VWA8: variants seen among roughly 807,000 people sequenced by gnomAD.
VWA8 encodes the protein von Willebrand factor A domain-containing protein 8.
In VWA8, 221 loss-of-function variants were observed where a neutral mutation model predicts 241.5. The observed-to-expected ratio is 0.91, with a 90% CI of 0.82 to 1.02. The LOEUF is 1.02. VWA8 is among the 50% of genes least tolerant of loss of function. VWA8 has a pLI of 0.00. For missense variants in VWA8, 2,322 were observed against 2,328.7 expected (o/e 1.00, Z 0.06); for synonymous variants, 852 against 827.1 (o/e 1.03, Z -0.52).
chr13:41,934,437 C>A (rs749914144), intron 2 of VWA8, among the ~76,000 whole-genome samples: 1 of 151,900 alleles, frequency 6.6e-6, no homozygotes, highest in African/African-American at 2.4e-5. Flanking sequence ...ACATCTACCG[C>A]ATGATGCAGG....
intron 21 of VWA8, among the ~76,000 whole-genome samples, chr13:41,738,245 T>C (rs960284190): frequency 4.6e-5 from 7 of 152,284 alleles, no homozygotes; most frequent in African/African-American, 1.7e-4. Flanking sequence ...GTTTATTTAG[T>C]AGTCAATCAC....
Position 41,920,167 on chromosome 13 carries a change from T to A in VWA8, c.242-7999A>T, listed in dbSNP as rs114066073. Among the ~76,000 whole-genome samples the A allele has an allele frequency of 3.2e-3, 483 of 152,170 alleles. 3 individuals are homozygous for A. The highest frequency in any genetic ancestry group is 0.011 in the African/African-American group (454 of 41,506). On this transcript the variant is annotated intron_variant, in intron 2 of 44. Transcript: ENST00000379310. Reference sequence around the variant, plus strand: ...GTCACCATCCCAGCATCAAGAGTAATTAGTGTGTGACATCTCATCTCCCAG... The same window carrying A: ...GTCACCATCCCAGCATCAAGAGTAAATAGTGTGTGACATCTCATCTCCCAG...
At position 41,749,458 on chromosome 13, in the gene VWA8, G is replaced by A. The variant is rs567297450; in HGVS notation, c.2426+11670C>T. The stretch of plus-strand genomic sequence containing the variant: ...GGAAGTCGGTGTGGCAATTCCTCAG[G>A]GATCTAGAACTAGAAATACCTTTTG... On this transcript the variant is annotated intron_variant, in intron 21 of 44. Transcript: ENST00000379310. Among the ~76,000 whole-genome samples the A allele has an allele frequency of 3.5e-4, 52 of 148,436 alleles. 1 individual carries two copies. The South Asian group carries it at 0.011, about 32-fold the overall frequency.
At chr13:41,666,041 C>A (rs887025709) in intron 37 of VWA8, among the ~76,000 whole-genome samples, 4 of 151,958 alleles carry the variant, frequency 2.6e-5, no homozygotes, top group African/African-American at 9.7e-5. Context: ...TATTTGCTTG[C>A]CTTAGGGAGG....
At chr13:41,757,816 G>A (rs185108207) in intron 21 of VWA8, among the ~76,000 whole-genome samples, 69 of 151,740 alleles carry the variant, frequency 4.5e-4, no homozygotes, top group Middle Eastern at 3.4e-3. Context: ...AGTTGGGAGT[G>A]GGAATGTGGG....
At chr13:41,805,824 GA>G (rs1870168261) in intron 17 of VWA8, among the ~76,000 whole-genome samples, 1 of 151,262 alleles carries the variant, frequency 6.6e-6, no homozygotes, top group Admixed American at 6.6e-5. Context: ...CAAAAAAAAA[GA>G]AAAAGAAAAA....
intron 37 of VWA8, among the ~76,000 whole-genome samples, chr13:41,651,815 A>G (rs1052611089): frequency 1.3e-5 from 2 of 152,164 alleles, no homozygotes; most frequent in African/African-American, 4.8e-5. Flanking sequence ...ACTCTTCTAG[A>G]GCTTGTAAGC....
intron 23 of VWA8, among the ~76,000 whole-genome samples, chr13:41,729,325 A>G (rs1238540826): frequency 6.6e-6 from 1 of 152,114 alleles, no homozygotes; most frequent in African/African-American, 2.4e-5. Flanking sequence ...TAATACTACT[A>G]CTAAAAATTT....
chr13:41,921,929 G>C (rs536831304), intron 2 of VWA8, among the ~76,000 whole-genome samples: 1 of 152,036 alleles, frequency 6.6e-6, no homozygotes, highest in Non-Finnish European at 1.5e-5. Context: ...AATTGGAAAA[G>C]ACTACTTTAA....
chr13:41,774,759 T>G (rs1868512420), intron 20 of VWA8, among the ~76,000 whole-genome samples: 1 of 152,138 alleles, frequency 6.6e-6, no homozygotes, highest in African/African-American at 2.4e-5. Context: ...TATAATTTTA[T>G]AGATAAGAAA....
At chr13:41,830,663 C>A in intron 13 of VWA8, 21 bp from the exon 14 acceptor site, 1 of 1,601,844 alleles carries the variant, frequency 6.2e-7, no homozygotes, top group Admixed American at 1.7e-5. Context: ...AAGAAAAAAG[C>A]CCGAAAATAA....
intron 44 of VWA8, 45 bp downstream of exon 44, chr13:41,570,423 G>A: frequency 6.5e-7 from 1 of 1,540,182 alleles, no homozygotes; most frequent in Non-Finnish European, 9.0e-7. Flanking sequence ...TAGCTACTCA[G>A]TATCTCTGTA....
chr13:41,904,330 T>A (rs867362150), intron 4 of VWA8, among the ~76,000 whole-genome samples: 12 of 152,302 alleles, frequency 7.9e-5, no homozygotes, highest in Middle Eastern at 6.8e-3. Context: ...AAATTCATTT[T>A]AAAAATATAT....
rs529398978 is a variant in VWA8 at position 41,933,099 on chromosome 13, AC to A, written c.241+16836del. On this transcript the variant is annotated intron_variant, in intron 2 of 44. Coordinates refer to ENST00000379310, the MANE Select transcript of VWA8 (RefSeq NM_015058.2). ...TTATATAGAAAATGTGATGCAATCT[AC>A]AAAAACAAGCTCTAGAACTAATAAG... 2.3e-3 allele frequency among the ~76,000 whole-genome samples: 345 copies of A among 152,114 alleles called. 2 individuals are homozygous for A. Among genetic ancestry groups the A allele is most frequent in the African/African-American group, 8.0e-3 (332 of 41,556 alleles).
chr13:41,946,285 CCTTT>C (rs1464889083), intron 2 of VWA8, among the ~76,000 whole-genome samples: 1 of 151,992 alleles, frequency 6.6e-6, no homozygotes, highest in Admixed American at 6.6e-5. Flanking sequence ...GGGCATCCTT[CCTTT>C]AAGCTGAAAT....
At chr13:41,727,133 G>A in intron 24 of VWA8, 61 bp downstream of exon 24, 2 of 1,290,730 alleles carry the variant, frequency 1.5e-6, no homozygotes, top group Non-Finnish European at 1.1e-6. Context: ...AGCCATTACA[G>A]CAGTGTTACT....
At chr13:41,652,223 G>GT (rs956407072) in intron 37 of VWA8, among the ~76,000 whole-genome samples, 1 of 152,118 alleles carries the variant, frequency 6.6e-6, no homozygotes, top group Admixed American at 6.5e-5. Context: ...AGAGACATCT[G>GT]TTTTCTTCTC....
chr13:41,648,898 T>C (rs1004443411), intron 37 of VWA8, among the ~76,000 whole-genome samples: 2 of 152,214 alleles, frequency 1.3e-5, no homozygotes, highest in African/African-American at 2.4e-5. Context: ...TTAAAACTTA[T>C]AGGGGCTGAG....
chr13:41,930,207 A>G, intron 2 of VWA8, among the ~76,000 whole-genome samples: 1 of 152,236 alleles, frequency 6.6e-6, no homozygotes, highest in Non-Finnish European at 1.5e-5. Flanking sequence ...TAGCACGGCT[A>G]TTATCAAAAA....
Sources: gnomAD v4.1 joint callset for allele counts (sites outside exome capture counted in the v4.1 genomes callset) on GRCh38, gnomAD v4.1.1 for gene constraint, MANE v1.5 for transcripts, NCBI Gene and HGNC (gene_info 2026-07-23, HGNC 2026-07-21) for gene names.